Variants in PAK5 observed in about 807,000 individuals in gnomAD.
The protein encoded by PAK5 is serine/threonine-protein kinase PAK 5.
A neutral mutation model predicts 65.9 loss-of-function variants in PAK5; 16 were observed. The ratio of observed to expected loss-of-function variants is 0.24; its 90% CI spans 0.16 to 0.37. The LOEUF is 0.37. Ranked by LOEUF, PAK5 falls within the 10% of genes least tolerant of loss-of-function variation. PAK5 has a pLI of 1.00. For missense variants in PAK5, 785 were observed against 903.9 expected (o/e 0.87, Z 1.69); for synonymous variants, 371 against 354.9 (o/e 1.05, Z -0.51).
intron 4 of PAK5, among the ~76,000 whole-genome samples, chr20:9,573,737 A>C (rs2045834611): frequency 6.6e-6 from 1 of 152,138 alleles, no homozygotes; most frequent in African/African-American, 2.4e-5. Flanking sequence ...CCGTGGCTGG[A>C]GCGTGCTCGA....
At chr20:9,555,654 GTCT>G (rs2045495011) in intron 7 of PAK5, among the ~76,000 whole-genome samples, 1 of 152,114 alleles carries the variant, frequency 6.6e-6, no homozygotes, top group South Asian at 2.1e-4. Flanking sequence ...TGCATACACA[GTCT>G]TCTTCTACCT....
chr20:9,747,109 C>T (rs1180180665), intron 1 of PAK5, among the ~76,000 whole-genome samples: 1 of 152,138 alleles, frequency 6.6e-6, no homozygotes, highest in Non-Finnish European at 1.5e-5. Context: ...TTCCTCGACA[C>T]GTACACCCTC....
chr20:9,628,808 C>T (rs1263235357), intron 3 of PAK5, among the ~76,000 whole-genome samples: 1 of 152,182 alleles, frequency 6.6e-6, no homozygotes, highest in Non-Finnish European at 1.5e-5. Context: ...ACAAGGTGTC[C>T]TCTGGCTGTT....
intron 1 of PAK5, among the ~76,000 whole-genome samples, chr20:9,814,130 A>T (rs551917537): frequency 6.6e-6 from 1 of 150,916 alleles, no homozygotes; most frequent in South Asian, 2.1e-4. Flanking sequence ...CTTCAACAGG[A>T]TGGCCAGGCA....
At chr20:9,543,324 G>A (rs956224151) in intron 8 of PAK5, among the ~76,000 whole-genome samples, 1 of 152,120 alleles carries the variant, frequency 6.6e-6, no homozygotes, top group Non-Finnish European at 1.5e-5. Context: ...CAAGCAAGTA[G>A]TAAAGAATGG....
At chr20:9,807,137 C>T (rs897607511) in intron 1 of PAK5, among the ~76,000 whole-genome samples, 12 of 152,110 alleles carry the variant, frequency 7.9e-5, no homozygotes, top group African/African-American at 1.7e-4. Context: ...AGATAATCTC[C>T]GCATCTCAAG....
rs561920999 is a variant in PAK5, at chr20:9,630,418, T to C, written c.204+13707A>G. 2.6e-5 allele frequency among the ~76,000 whole-genome samples: 4 copies of C among 152,294 alleles called. No individual in the cohort carries two copies. The South Asian group carries it at 8.3e-4, about 32-fold the overall frequency. On this transcript the variant is annotated intron_variant, in intron 3 of 9. Coordinates refer to ENST00000353224, the MANE Select transcript of PAK5 (RefSeq NM_177990.4). ...ACCTCAAGGAAGCATATGGGCATCG[T>C]CCCTCAGTCATCTCAGAAGGAGGCC...
chr20:9,601,829 C>T (rs2046364846), intron 3 of PAK5, among the ~76,000 whole-genome samples: 1 of 152,146 alleles, frequency 6.6e-6, no homozygotes, highest in African/African-American at 2.4e-5. Context: ...AAGAGGCGTC[C>T]AGAACAGACC....
chr20:9,650,723 A>G (rs919120631), intron 2 of PAK5, among the ~76,000 whole-genome samples: 2 of 152,038 alleles, frequency 1.3e-5, no homozygotes, highest in African/African-American at 4.8e-5. Context: ...GCTTCCCGCC[A>G]GGACTCTAAC....
intron 4 of PAK5, 86 bp from the exon 5 acceptor site, chr20:9,566,470 G>A: frequency 7.7e-7 from 1 of 1,293,848 alleles, no homozygotes; most frequent in Non-Finnish European, 1.1e-6. Context: ...CTGACAGCTG[G>A]CAGAATGAGG....
At chr20:9,748,978 C>T (rs1274825830) in intron 1 of PAK5, among the ~76,000 whole-genome samples, 2 of 152,124 alleles carry the variant, frequency 1.3e-5, no homozygotes, top group African/African-American at 4.8e-5. Context: ...ATCCTCCAAA[C>T]TTAACTCCTC....
At chr20:9,825,404 A>G (rs2049472420) in intron 1 of PAK5, among the ~76,000 whole-genome samples, 1 of 152,174 alleles carries the variant, frequency 6.6e-6, no homozygotes, top group South Asian at 2.1e-4. Flanking sequence ...CAGCCATTCT[A>G]CAGAATGCAT....
intron 2 of PAK5, among the ~76,000 whole-genome samples, chr20:9,672,355 T>C (rs1315983440): frequency 6.7e-6 from 1 of 148,608 alleles, no homozygotes; most frequent in Non-Finnish European, 1.5e-5. Flanking sequence ...CTCAGTGATA[T>C]AGTTTGGCTG....
chr20:9,595,835 T>C (rs2046253839), intron 3 of PAK5, among the ~76,000 whole-genome samples: 1 of 151,286 alleles, frequency 6.6e-6, no homozygotes, highest in Non-Finnish European at 1.5e-5. Context: ...GAAATTCTGC[T>C]TTTCCCACTC....
At chr20:9,621,976 C>A (rs2046776088) in intron 3 of PAK5, among the ~76,000 whole-genome samples, 1 of 152,224 alleles carries the variant, frequency 6.6e-6, no homozygotes, top group South Asian at 2.1e-4. Flanking sequence ...TCCTGCCTAC[C>A]TTATTCTGTC....
chr20:9,658,226 A>G lies in PAK5; in HGVS notation c.-11-13887T>C, dbSNP rs144224999. Among the ~76,000 whole-genome samples, 604 of 152,300 alleles carry G rather than the reference A, an allele frequency of 4.0e-3. 6 individuals are homozygous for G. Among genetic ancestry groups the G allele is most frequent in the Non-Finnish European group, 6.3e-3 (429 of 68,028 alleles). The stretch of plus-strand genomic sequence containing the variant: ...TAGTGACTTAAAATGACAACCATTT[A>G]TTTGGCCCCAAATACTGTGGGCTGA... On this transcript the variant is annotated intron_variant, in intron 2 of 9. Coordinates refer to ENST00000353224, the MANE Select transcript of PAK5 (RefSeq NM_177990.4).
chr20:9,583,232 T>C (rs1603230373), intron 3 of PAK5, among the ~76,000 whole-genome samples: 2 of 152,226 alleles, frequency 1.3e-5, no homozygotes, highest in African/African-American at 4.8e-5. Context: ...TAAATCCACA[T>C]TAATGTCTCT....
rs944937026 is a variant in PAK5, at chr20:9,713,437, T to C, written c.-161-2002A>G. On this transcript the variant is annotated intron_variant, in intron 1 of 9. Transcript: ENST00000353224. ...GTGGGAATGTAAAGTAATACAGCAA[T>C]TACGGAAAACAGCATGGAGGTTTCT... Among the ~76,000 whole-genome samples the C allele has an allele frequency of 7.9e-5, 12 of 152,146 alleles. No homozygotes were observed. In the South Asian group the frequency reaches 1.7e-3, roughly 21 times the overall value.
chr20:9,626,671 A>T (rs2046848339), intron 3 of PAK5, among the ~76,000 whole-genome samples: 1 of 152,378 alleles, frequency 6.6e-6, no homozygotes, highest in South Asian at 2.1e-4. Flanking sequence ...CCAGTGTTTC[A>T]GAATGAAATA....
Sources: gnomAD v4.1 joint callset for allele counts (sites outside exome capture counted in the v4.1 genomes callset) on GRCh38, gnomAD v4.1.1 for gene constraint, MANE v1.5 for transcripts, NCBI Gene and HGNC (gene_info 2026-07-23, HGNC 2026-07-21) for gene names.